Variants in TAFA5 observed in about 807,000 individuals in gnomAD.
TAFA5 encodes the protein chemokine-like protein TAFA-5.
Under a neutral mutation model 15.3 loss-of-function variants are expected in TAFA5, and 6 were observed. The observed-to-expected ratio is 0.39, with a 90% CI of 0.21 to 0.77. The LOEUF (loss-of-function observed/expected upper bound fraction) is 0.77, where lower values mean the gene tolerates loss of function less well. Among genes scored for constraint, TAFA5 ranks in the 30% least tolerant of loss-of-function variants. TAFA5 has a pLI of 0.41. For missense variants in TAFA5, 161 were observed against 193.1 expected (o/e 0.83, Z 0.98); for synonymous variants, 103 against 80.7 (o/e 1.28, Z -1.48).
At chr22:48,614,548 C>T (rs1292632690) in intron 1 of TAFA5, among the ~76,000 whole-genome samples, 3 of 152,298 alleles carry the variant, frequency 2.0e-5, no homozygotes. Context: ...GAGACAAGTG[C>T]CCTCCCCCAG....
At chr22:48,504,057 C>T (rs1920970594) in intron 1 of TAFA5, among the ~76,000 whole-genome samples, 1 of 152,214 alleles carries the variant, frequency 6.6e-6, no homozygotes, top group Non-Finnish European at 1.5e-5. Flanking sequence ...CCCAGTTGCT[C>T]ACTCTTCATT....
intron 2 of TAFA5, among the ~76,000 whole-genome samples, chr22:48,663,914 C>T (rs1324721909): frequency 1.3e-5 from 2 of 152,146 alleles, no homozygotes; most frequent in African/African-American, 4.8e-5. Flanking sequence ...TCAGATATGC[C>T]AGAAAGAAGC....
At chr22:48,727,080 A>AT (rs1193074353) in intron 3 of TAFA5, among the ~76,000 whole-genome samples, 4 of 152,212 alleles carry the variant, frequency 2.6e-5, no homozygotes, top group Non-Finnish European at 2.9e-5. Context: ...TGAGGAAAAG[A>AT]TGCACTCAAG....
intron 3 of TAFA5, among the ~76,000 whole-genome samples, chr22:48,724,993 A>G (rs1462396176): frequency 1.3e-5 from 2 of 152,226 alleles, no homozygotes; most frequent in African/African-American, 4.8e-5. Flanking sequence ...CGCACCAGGA[A>G]CTGTGTTCTT....
intron 3 of TAFA5, among the ~76,000 whole-genome samples, chr22:48,722,939 C>T (rs1009306211): frequency 2.6e-5 from 4 of 152,186 alleles, no homozygotes; most frequent in East Asian, 1.9e-4. Flanking sequence ...CAGAAAGCCA[C>T]GGAGGCTTCT....
At chr22:48,602,735 G>C (rs73889132) in intron 1 of TAFA5, among the ~76,000 whole-genome samples, 230 of 152,340 alleles carry the variant, frequency 1.5e-3, no homozygotes, top group African/African-American at 5.2e-3. Flanking sequence ...TGGCCTTGAA[G>C]TGTCCGGGAC....
chr22:48,504,385 C>A (rs956625262), intron 1 of TAFA5, among the ~76,000 whole-genome samples: 1 of 152,238 alleles, frequency 6.6e-6, no homozygotes, highest in African/African-American at 2.4e-5. Flanking sequence ...AGCAGAAAGA[C>A]TTCCGGGGGC....
chr22:48,738,962 C>T (rs1930106433), intron 3 of TAFA5, among the ~76,000 whole-genome samples: 1 of 152,214 alleles, frequency 6.6e-6, no homozygotes, highest in East Asian at 1.9e-4. Context: ...CAAGCCACCC[C>T]TCGTATGAGC....
rs557058875 is a variant in TAFA5, at chr22:48,742,545, G to T, written c.391-7294G>T. ...ACCAGGCGACGTGGTGGACCCGGCC[G>T]CATGGTGGACCAGGCAACGTGGTAG... On this transcript the variant is annotated intron_variant, in intron 3 of 3. Coordinates refer to ENST00000402357, the MANE Select transcript of TAFA5 (RefSeq NM_001082967.3). This position sits in a 1 kb window ranked among gnomAD's most constrained non-coding sequence, Gnocchi z 6.2. Among the ~76,000 whole-genome samples, 1 of 151,962 alleles carries T rather than the reference G, an allele frequency of 6.6e-6. No individual in the cohort carries two copies. The highest frequency in any genetic ancestry group is 1.5e-5 in the Non-Finnish European group (1 of 67,912).
At chr22:48,643,650 G>A (rs1926763306) in intron 1 of TAFA5, among the ~76,000 whole-genome samples, 1 of 152,220 alleles carries the variant, frequency 6.6e-6, no homozygotes, top group Admixed American at 6.5e-5. Flanking sequence ...TAGTGACTAG[G>A]CTCAGCAGCA....
chr22:48,507,374 T>A (rs938205353), intron 1 of TAFA5, among the ~76,000 whole-genome samples: 4 of 152,052 alleles, frequency 2.6e-5, no homozygotes, highest in African/African-American at 9.7e-5. Context: ...AGGGCATGAG[T>A]TGAAGCCCTG....
rs902815137 is a variant in TAFA5, at chr22:48,550,402, C to T, written c.112+60698C>T. 6.6e-6 allele frequency among the ~76,000 whole-genome samples: 1 copy of T among 152,176 alleles called. No homozygotes were observed. Among genetic ancestry groups the T allele is most frequent in the Admixed American group, 6.5e-5 (1 of 15,286 alleles). Reference sequence around the variant, plus strand: ...TCATGCACCTTTCCCACAGACTGGTCGGAGGTGCCCAGCAGGACCCTGGAT... The same window carrying T: ...TCATGCACCTTTCCCACAGACTGGTTGGAGGTGCCCAGCAGGACCCTGGAT... On this transcript the variant is annotated intron_variant, in intron 1 of 3. Transcript: ENST00000402357. This position sits in a 1 kb window ranked among gnomAD's most constrained non-coding sequence, Gnocchi z 4.1.
chr22:48,743,242 TGGTCAC>T (rs1350542474), intron 3 of TAFA5, among the ~76,000 whole-genome samples: 1 of 152,068 alleles, frequency 6.6e-6, no homozygotes, highest in South Asian at 2.1e-4. Flanking sequence ...CAGACGTCTG[TGGTCAC>T]GGTGTCTGCT....
chr22:48,665,210 G>A (rs1036443393), intron 2 of TAFA5, among the ~76,000 whole-genome samples: 11 of 152,152 alleles, frequency 7.2e-5, no homozygotes, highest in African/African-American at 2.7e-4. Context: ...CCCAATAGCT[G>A]CTTTTTATGA....
intron 2 of TAFA5, among the ~76,000 whole-genome samples, chr22:48,659,105 G>C (rs1352510198): frequency 6.6e-6 from 1 of 152,230 alleles, no homozygotes; most frequent in Admixed American, 6.5e-5. Flanking sequence ...TCTGGACCCC[G>C]CGGCGGAGGA....
chr22:48,609,967 C>T (rs929309869), intron 1 of TAFA5, among the ~76,000 whole-genome samples: 3 of 152,236 alleles, frequency 2.0e-5, no homozygotes, highest in Admixed American at 6.5e-5. Flanking sequence ...CCTAATGGCC[C>T]TCGCCTAACT....
chr22:48,739,491 A>G (rs913489576), intron 3 of TAFA5, among the ~76,000 whole-genome samples: 10 of 152,106 alleles, frequency 6.6e-5, no homozygotes, highest in Non-Finnish European at 1.3e-4. Flanking sequence ...GCCTGTGCAC[A>G]CTAATCCCAG....
Position 48,600,870 on chromosome 22 carries a change from G to A in TAFA5, c.113-45727G>A, listed in dbSNP as rs79641043. On this transcript the variant is annotated intron_variant, in intron 1 of 3. Coordinates refer to ENST00000402357, the MANE Select transcript of TAFA5 (RefSeq NM_001082967.3). ...GGGCGGTTACCGGATTGACTGTCGCGGCGAGGCTTGCGGGGCTTGTGTTCG... is the reference window on the plus strand; with the variant it reads ...GGGCGGTTACCGGATTGACTGTCGCAGCGAGGCTTGCGGGGCTTGTGTTCG... Among the ~76,000 whole-genome samples, 974 of 152,236 alleles carry A rather than the reference G, an allele frequency of 6.4e-3. 81 individuals are homozygous for A. The East Asian group carries it at 0.16, about 25-fold the overall frequency.
chr22:48,691,348 A>G (rs765836100), intron 2 of TAFA5, among the ~76,000 whole-genome samples: 3 of 152,110 alleles, frequency 2.0e-5, no homozygotes, highest in Non-Finnish European at 4.4e-5. Flanking sequence ...TGCAGATTTT[A>G]CTTCACGTTT....
Sources: gnomAD v4.1 joint callset for allele counts (sites outside exome capture counted in the v4.1 genomes callset) on GRCh38, gnomAD v4.1.1 for gene constraint, Gnocchi (gnomAD v3.1) non-coding constraint, MANE v1.5 for transcripts, NCBI Gene and HGNC (gene_info 2026-07-23, HGNC 2026-07-21) for gene names.